Variants in DMD observed in about 807,000 individuals in gnomAD.
DMD encodes mutant dystrophin.
A neutral mutation model predicts 330.1 loss-of-function variants in DMD; 63 were observed. The observed-to-expected ratio is 0.19, with a 90% CI of 0.16 to 0.24. The LOEUF is 0.24. DMD is among the 10% of genes least tolerant of loss of function. The pLI is 1.00. For missense variants in DMD, 3,344 were observed against 2,684.1 expected (o/e 1.25, Z -5.43); for synonymous variants, 1,223 against 959.8 (o/e 1.27, Z -5.07).
chrX:32,376,054 T>C (rs2097901607), intron 34 of DMD, among the ~76,000 whole-genome samples: 1 of 111,057 alleles, frequency 9.0e-6, no homozygotes, highest in South Asian at 3.8e-4. Flanking sequence ...CCGAGGCAGG[T>C]GGATGACCTG....
chrX:32,342,218 C>T lies in DMD; in HGVS notation c.5804G>A (p.Gly1935Asp), dbSNP rs1369962498. Residue 1935 changes from glycine to aspartate, a missense_variant, in exon 41 of 79, where the codon GGC (glycine) becomes GAC (aspartate). By Grantham distance (94) the Gly-to-Asp change is moderately conservative. Coordinates refer to ENST00000357033, the MANE Select transcript of DMD (RefSeq NM_004006.3). ...ELNAVRRQAE[G>D]LSEDGAAMAV... ...CATTGCGGCCCCATCCTCAGACAAGCCCTCAGCTTGCCTACGCACTGCATT... is the reference window on the plus strand; with the variant it reads ...CATTGCGGCCCCATCCTCAGACAAGTCCTCAGCTTGCCTACGCACTGCATT... The T allele has an allele frequency of 8.3e-7, 1 of 1,211,479 alleles. No homozygotes were observed. The highest frequency in any genetic ancestry group is 1.8e-5 in the South Asian group (1 of 56,954).
At chrX:32,360,659 C>T (rs756685265) in intron 37 of DMD, among the ~76,000 whole-genome samples, 22 of 108,613 alleles carry the variant, frequency 2.0e-4, no homozygotes, top group African/African-American at 7.0e-4. Flanking sequence ...TCACGGCGCC[C>T]GCCCGTAATC....
At chrX:31,351,945 A>T (rs1330468053) in intron 60 of DMD, among the ~76,000 whole-genome samples, 1 of 110,472 alleles carries the variant, frequency 9.1e-6, no homozygotes, top group Non-Finnish European at 1.9e-5. Context: ...AAAAAAAAAA[A>T]ACTTGCCTAA....
chrX:32,417,393 C>G (rs1171068048), intron 29 of DMD, among the ~76,000 whole-genome samples: 1 of 110,886 alleles, frequency 9.0e-6, no homozygotes, highest in Non-Finnish European at 1.9e-5. Flanking sequence ...CTTTTTGTCC[C>G]ATGCAAGTAA....
At chrX:32,580,863 G>A (rs1231530293) in intron 13 of DMD, among the ~76,000 whole-genome samples, 1 of 110,482 alleles carries the variant, frequency 9.1e-6, no homozygotes, top group Non-Finnish European at 1.9e-5. Flanking sequence ...GTCTTTCTCT[G>A]TCCCCTAGGC....
intron 52 of DMD, among the ~76,000 whole-genome samples, chrX:31,717,149 C>T (rs2085127368): frequency 9.0e-6 from 1 of 111,506 alleles, no homozygotes; most frequent in Non-Finnish European, 1.9e-5. Context: ...TCGTATAAAG[C>T]ACAGCACAAA....
intron 2 of DMD, among the ~76,000 whole-genome samples, chrX:33,018,965 A>C (rs12863946): frequency 0.1 from 11,290 of 111,831 alleles, 775 homozygotes; most frequent in African/African-American, 0.23. Flanking sequence ...GAAATTTGTT[A>C]ATTATTCAGC....
intron 33 of DMD, among the ~76,000 whole-genome samples, 184 bp from the exon 34 acceptor site, chrX:32,380,864 C>T (rs1012129965): frequency 6.3e-5 from 7 of 110,595 alleles, no homozygotes; most frequent in African/African-American, 2.3e-4. Context: ...CTGTCTAGGG[C>T]AGATGACATC....
At chrX:32,647,148 C>A (rs1391767189) in intron 9 of DMD, among the ~76,000 whole-genome samples, 5 of 111,543 alleles carry the variant, frequency 4.5e-5, no homozygotes, top group African/African-American at 1.6e-4. Context: ...GAAACACATG[C>A]CTCTATTATC....
intron 62 of DMD, among the ~76,000 whole-genome samples, chrX:31,314,779 A>AGAGAGAGAGTGT (rs1225831523): frequency 1.1e-5 from 1 of 93,433 alleles, no homozygotes; most frequent in African/African-American, 4.3e-5. Context: ...AGAGAGAGAG[A>AGAGAGAGAGTGT]GTGTTTTACC....
In DMD at chrX:32,529,379, C is replaced by CTTT. The variant is rs777955346; in HGVS notation, c.2169-11251_2169-11249dup. 5.8e-4 allele frequency among the ~76,000 whole-genome samples: 18 copies of CTTT among 31,036 alleles called. 2 individuals are homozygous for CTTT. Among genetic ancestry groups the CTTT allele is most frequent in the African/African-American group, 1.4e-3 (10 of 6,915 alleles). 27.0% of individuals were successfully genotyped at this position (31,036 alleles called of 115,157 possible). A position where few individuals can be genotyped will look rare whatever the true frequency, so the allele number is the denominator to read the frequency against. Reference sequence around the variant, plus strand: ...CGAATTCCACCTTGGCAAAAATCAACTTTTTTTTTTTTTTTTTTTTTTTTT... The same window carrying CTTT: ...CGAATTCCACCTTGGCAAAAATCAACTTTTTTTTTTTTTTTTTTTTTTTTTTTT... On this transcript the variant is annotated intron_variant, in intron 17 of 78. Coordinates refer to ENST00000357033, the MANE Select transcript of DMD (RefSeq NM_004006.3).
intron 12 of DMD, among the ~76,000 whole-genome samples, chrX:32,611,706 T>C (rs1361565142): frequency 9.0e-6 from 1 of 111,722 alleles, no homozygotes; most frequent in Non-Finnish European, 1.9e-5. Context: ...CTTCTTCTAC[T>C]GCTCTTTTGG....
At chrX:32,139,218 G>T (rs2147033552) in intron 44 of DMD, among the ~76,000 whole-genome samples, 1 of 112,034 alleles carries the variant, frequency 8.9e-6, no homozygotes, top group East Asian at 2.8e-4. Context: ...TTCTCAACAT[G>T]TTCACATCAT....
At chrX:31,895,158 T>C (rs950401461) in intron 47 of DMD, among the ~76,000 whole-genome samples, 1 of 111,669 alleles carries the variant, frequency 9.0e-6, no homozygotes, top group African/African-American at 3.2e-5. Flanking sequence ...TCATGGAGTC[T>C]GGAGGGCCTC....
chrX:32,641,726 A>G (rs1184941993), intron 11 of DMD, among the ~76,000 whole-genome samples: 3 of 111,090 alleles, frequency 2.7e-5, no homozygotes, highest in Non-Finnish European at 5.7e-5. Context: ...AATGTTAATT[A>G]TCATTTCTCT....
intron 44 of DMD, among the ~76,000 whole-genome samples, chrX:32,151,955 T>TG (rs1458978413): frequency 4.5e-5 from 5 of 112,075 alleles, no homozygotes; most frequent in Non-Finnish European, 7.5e-5. Flanking sequence ...CTTTATATCT[T>TG]GGAGATTTTC....
At chrX:32,460,813 C>G (rs1299600383) in intron 25 of DMD, among the ~76,000 whole-genome samples, 1 of 111,716 alleles carries the variant, frequency 9.0e-6, no homozygotes, top group Admixed American at 9.5e-5. Flanking sequence ...TTAAAGGGTT[C>G]TTATTGCTAC....
rs2147064255 is a variant in DMD, at chrX:32,348,442, C to T, written c.5412G>A (p.Gly1804=). 2.5e-6 allele frequency: 3 copies of T among 1,208,280 alleles called. No individual in the cohort carries two copies. The highest frequency in any genetic ancestry group is 3.4e-6 in the Non-Finnish European group (3 of 893,081). Residue 1804 remains glycine (G), a synonymous_variant, in exon 38 of 79, where the codon GGG becomes GGA. Transcript: ENST00000357033. ...TGAAGTCTTCCTCTTTCAGATTCACCCCCTGCTGAATTTCAGCCTCCAGTG... is the reference window on the plus strand; with the variant it reads ...TGAAGTCTTCCTCTTTCAGATTCACTCCCTGCTGAATTTCAGCCTCCAGTG... The part of the protein sequence containing the change: ...LEPLEAEIQQ[G]VNLKEEDFNK...
At chrX:32,631,636 A>G (rs745760698) in intron 11 of DMD, among the ~76,000 whole-genome samples, 28 of 111,738 alleles carry the variant, frequency 2.5e-4, no homozygotes, top group African/African-American at 8.8e-4. Flanking sequence ...ATTTACAATC[A>G]TGGCAAATTG....
Sources: allele counts gnomAD v4.1 joint callset (sites outside exome capture counted in the v4.1 genomes callset), GRCh38; gene constraint gnomAD v4.1.1; transcripts MANE v1.5; gene names NCBI Gene and HGNC (gene_info 2026-07-23, HGNC 2026-07-21).